Variants in HIPK3 observed in about 807,000 individuals in gnomAD.
The protein encoded by HIPK3 is homeodomain-interacting protein kinase 3.
A neutral mutation model predicts 124.2 loss-of-function variants in HIPK3; 47 were observed. That is an observed-to-expected ratio of 0.38 (90% confidence interval 0.30 to 0.48). The LOEUF (loss-of-function observed/expected upper bound fraction) is 0.48. HIPK3 is among the 20% of genes least tolerant of loss of function. The probability of loss-of-function intolerance (pLI) is 0.98; values close to 1 mark genes in which losing one functional copy is unlikely to be tolerated. For missense variants in HIPK3, 1,286 were observed against 1,454.3 expected (o/e 0.88, Z 1.88); for synonymous variants, 482 against 515.2 (o/e 0.94, Z 0.87).
intron 2 of HIPK3, among the ~76,000 whole-genome samples, chr11:33,301,511 G>A (rs978720715): frequency 1.5e-4 from 23 of 151,692 alleles, no homozygotes; most frequent in African/African-American, 5.6e-4. Context: ...TAAGGGTGAG[G>A]TATAGTGTCT....
intron 1 of HIPK3, among the ~76,000 whole-genome samples, chr11:33,279,327 A>G (rs1160588206): frequency 9.3e-5 from 12 of 129,620 alleles, no homozygotes; most frequent in African/African-American, 3.5e-4. Flanking sequence ...TTTGTCTCAA[A>G]AAAAAAAAAA....
At chr11:33,297,680 A>G (rs892357571) in intron 2 of HIPK3, among the ~76,000 whole-genome samples, 3 of 151,854 alleles carry the variant, frequency 2.0e-5, no homozygotes, top group Admixed American at 1.3e-4. Context: ...CAGATTTTTA[A>G]TGTAGATGAA....
chr11:33,291,018 T>C (rs999070725), intron 2 of HIPK3, among the ~76,000 whole-genome samples: 3 of 152,156 alleles, frequency 2.0e-5, no homozygotes, highest in African/African-American at 7.2e-5. Flanking sequence ...AAACTAAAAA[T>C]AGATTTTATG....
chr11:33,310,086 A>G (rs1010471559), intron 2 of HIPK3, among the ~76,000 whole-genome samples: 1 of 151,988 alleles, frequency 6.6e-6, no homozygotes, highest in Non-Finnish European at 1.5e-5. Flanking sequence ...CTTTTCCCCC[A>G]TTGGTTTTTG....
chr11:33,298,227 A>G (rs1309701470), intron 2 of HIPK3, among the ~76,000 whole-genome samples: 1 of 152,200 alleles, frequency 6.6e-6, no homozygotes, highest in Admixed American at 6.5e-5. Context: ...TATGTTCTAG[A>G]AATGGAATAC....
chr11:33,332,604 A>C (rs1324560708), intron 3 of HIPK3, among the ~76,000 whole-genome samples: 1 of 152,218 alleles, frequency 6.6e-6, no homozygotes, highest in Non-Finnish European at 1.5e-5. Flanking sequence ...CTGACTTTAT[A>C]TTCAAATTAT....
intron 16 of HIPK3, among the ~76,000 whole-genome samples, chr11:33,352,765 T>G (rs929538008): frequency 2.0e-5 from 3 of 152,186 alleles, no homozygotes; most frequent in African/African-American, 7.2e-5. Flanking sequence ...AATAACATTG[T>G]GTATGTAAAT....
Position 33,347,422 on chromosome 11 carries a change from A to G in HIPK3, c.2019+8A>G. ...CCAGGAGTTCTTTCTCAGGTTGGTAATAATTCATTCTTTGCCATATATCAG... is the reference window on the plus strand; with the variant it reads ...CCAGGAGTTCTTTCTCAGGTTGGTAGTAATTCATTCTTTGCCATATATCAG... On this transcript the variant is annotated splice_region_variant and intron_variant, in intron 9 of 16. Transcript: ENST00000303296. 6.2e-7 allele frequency: 1 copy of G among 1,613,264 alleles called. No homozygotes were observed. Among genetic ancestry groups the G allele is most frequent in the Non-Finnish European group, 8.5e-7 (1 of 1,179,814 alleles).
chr11:33,294,335 C>A (rs1408386844), intron 2 of HIPK3, among the ~76,000 whole-genome samples: 1 of 152,120 alleles, frequency 6.6e-6, no homozygotes, highest in Admixed American at 6.5e-5. Context: ...TGTTATCCTT[C>A]ATGCAGATTC....
intron 1 of HIPK3, among the ~76,000 whole-genome samples, chr11:33,282,978 A>G (rs1432813106): frequency 6.6e-6 from 1 of 152,220 alleles, no homozygotes; most frequent in Non-Finnish European, 1.5e-5. Context: ...AGTTTGATAC[A>G]TATAGCCGGA....
At chr11:33,346,258 G>C (rs1387534818) in intron 8 of HIPK3, among the ~76,000 whole-genome samples, 1 of 152,124 alleles carries the variant, frequency 6.6e-6, no homozygotes, top group Non-Finnish European at 1.5e-5. Context: ...GGATTAACAT[G>C]TCTGGTAATC....
Position 33,347,412 on chromosome 11 carries a change from C to T in HIPK3, c.2017C>T (p.Gln673Ter). ...PLQIRPGVLS[Q>*]TWSGRTQQML... The stretch of plus-strand genomic sequence containing the variant: ...ACAGATCCGACCAGGAGTTCTTTCT[C>T]AGGTTGGTAATAATTCATTCTTTGC... The change falls in exon 9 of 17, where the codon CAG becomes TAG. Residue 673 changes from glutamine (Q) to a stop codon, truncating the protein, a stop_gained and splice_region_variant. Transcript: ENST00000303296. LOFTEE classifies it high-confidence loss of function. 1 of 1,613,418 alleles carries T rather than the reference C, an allele frequency of 6.2e-7. No individual in the cohort carries two copies. Among genetic ancestry groups the T allele is most frequent in the Non-Finnish European group, 8.5e-7 (1 of 1,179,852 alleles).
Position 33,355,555 on chromosome 11 carries a change from A to G in HIPK3, c.*1987A>G, listed in dbSNP as rs1028275452. On this transcript the variant is annotated 3_prime_UTR_variant, in exon 17 of 17. Transcript: ENST00000303296. ...GTTTTGGATTTACAGCGTTTCTTTG[A>G]TAAATGAATTGTATACCACTAGTAC... 2 of 152,056 alleles carry G rather than the reference A, an allele frequency of 1.3e-5. No homozygotes were observed. The highest frequency in any genetic ancestry group is 6.6e-5 in the Admixed American group (1 of 15,252). 9.4% of individuals were successfully genotyped at this position (152,056 alleles called of 1,614,324 possible).
At chr11:33,272,039 C>T (rs1479864011) in intron 1 of HIPK3, among the ~76,000 whole-genome samples, 2 of 152,142 alleles carry the variant, frequency 1.3e-5, no homozygotes, top group African/African-American at 4.8e-5. Context: ...AAAAATGTGT[C>T]ACTTAAAGTT....
At chr11:33,314,594 T>G (rs1205479222) in intron 2 of HIPK3, among the ~76,000 whole-genome samples, 1 of 152,102 alleles carries the variant, frequency 6.6e-6, no homozygotes, top group Non-Finnish European at 1.5e-5. Flanking sequence ...AGGCAGAGGT[T>G]GCAGTGAGCT....
At position 33,349,148 on chromosome 11, in the gene HIPK3, T is replaced by G. The variant is rs1853584409; in HGVS notation, c.2668T>G (p.Cys890Gly). The change falls in exon 14 of 17, where the codon TGT (cysteine) becomes GGT (glycine). Residue 890 changes from cysteine to glycine, a missense_variant and splice_region_variant. Transcript: ENST00000303296. Reference sequence around the variant, plus strand: ...TTTTTCCCTTTTCTCTTCCACTAGATGTAAAGGTAGTCTAGATTGTGAAGC... The same window carrying G: ...TTTTTCCCTTTTCTCTTCCACTAGAGGTAAAGGTAGTCTAGATTGTGAAGC... ...ETSQRHSLRE[C>G]KGSLDCEACQ... 1.9e-6 allele frequency: 3 copies of G among 1,612,486 alleles called. No homozygotes were observed. The African/African-American group carries it at 4.0e-5, about 22-fold the overall frequency.
chr11:33,287,470 A>G lies in HIPK3; in HGVS notation c.1056A>G (p.Ser352=). The part of the protein sequence containing the change: ...VIDFGSASHV[S]KTVCSTYLQS... ...ACTTTGGGTCGGCCAGTCATGTATC[A>G]AAGACTGTTTGTTCAACATATCTAC... The change falls in exon 2 of 17, where the codon TCA becomes TCG. Residue 352 remains serine, a synonymous_variant. Transcript: ENST00000303296. 2 of 1,613,748 alleles carry G rather than the reference A, an allele frequency of 1.2e-6. No homozygotes were observed. Among genetic ancestry groups the G allele is most frequent in the Non-Finnish European group, 1.7e-6 (2 of 1,179,730 alleles).
At chr11:33,268,017 C>T (rs113726492) in intron 1 of HIPK3, among the ~76,000 whole-genome samples, 3 of 151,954 alleles carry the variant, frequency 2.0e-5, no homozygotes, top group African/African-American at 4.8e-5. Context: ...TCAAGACCAG[C>T]CGGACCAACA....
chr11:33,294,090 G>C (rs1348716711), intron 2 of HIPK3, among the ~76,000 whole-genome samples: 3 of 151,368 alleles, frequency 2.0e-5, no homozygotes, highest in Non-Finnish European at 2.9e-5. Context: ...GGAGGCGGAG[G>C]TTGCACCAAG....
Sources: allele counts gnomAD v4.1 joint callset (sites outside exome capture counted in the v4.1 genomes callset), GRCh38; gene constraint gnomAD v4.1.1; transcripts MANE v1.5; gene names NCBI Gene and HGNC (gene_info 2026-07-23, HGNC 2026-07-21).